Variants in LRRC37A2 observed in about 807,000 individuals in gnomAD.
LRRC37A2 encodes leucine-rich repeat-containing protein 37A2.
LRRC37A2 carries 9 observed loss-of-function variants against 68.8 expected under a neutral mutation model. The ratio of observed to expected loss-of-function variants is 0.13; its 90% CI spans 0.08 to 0.23. The LOEUF is 0.23. Ranked by LOEUF, LRRC37A2 falls within the 10% of genes least tolerant of loss-of-function variation. The pLI is 1.00. For missense variants in LRRC37A2, 168 were observed against 950.4 expected, an observed-to-expected ratio of 0.18 and a Z score of 10.82; for synonymous variants, 63 against 367.6, an observed-to-expected ratio of 0.17 and a Z score of 9.48.
chr17:46,941,424 G>A, the LRRC37A2 span: 1 of 984,230 alleles, frequency 1.0e-6, no homozygotes, highest in Non-Finnish European at 1.2e-6. Flanking sequence ...CTTTTTTTAT[G>A]TTTCTAGGCC....
the LRRC37A2 span, among the ~76,000 whole-genome samples, chr17:46,492,307 G>A: frequency 6.6e-6 from 1 of 150,946 alleles, no homozygotes; most frequent in Non-Finnish European, 1.5e-5. Context: ...TAGTTTATAC[G>A]TGTACAGTGC....
chr17:46,762,769 C>T, the LRRC37A2 span: 4 of 152,016 alleles, frequency 2.6e-5, no homozygotes, highest in Non-Finnish European at 4.4e-5. Flanking sequence ...TACCTGACTA[C>T]GGCGAGAATC....
At chr17:46,943,620 G>A in the LRRC37A2 span, among the ~76,000 whole-genome samples, 9 of 152,230 alleles carry the variant, frequency 5.9e-5, no homozygotes, top group East Asian at 1.9e-4. Flanking sequence ...CGTAGTAGGC[G>A]CAGGCGCCAT....
the LRRC37A2 span, chr17:46,818,645 G>T: frequency 2.0e-5 from 31 of 1,512,776 alleles, 1 homozygote; most frequent in African/African-American, 3.8e-4. Context: ...TGAAGAGGGG[G>T]AGCGACGCCC....
chr17:46,916,025 T>A, the LRRC37A2 span, among the ~76,000 whole-genome samples: 1 of 152,226 alleles, frequency 6.6e-6, no homozygotes, highest in African/African-American at 2.4e-5. Flanking sequence ...CAGTGCCACC[T>A]CTGACATGAC....
chr17:47,001,444 T>C, the LRRC37A2 span, among the ~76,000 whole-genome samples: 1,286 of 152,288 alleles, frequency 8.4e-3, 27 homozygotes, highest in African/African-American at 0.029. Context: ...TTCCTTTTTA[T>C]AAAATGTATT....
chr17:46,822,534 G>T, the LRRC37A2 span, among the ~76,000 whole-genome samples: 1 of 152,238 alleles, frequency 6.6e-6, no homozygotes, highest in African/African-American at 2.4e-5. Context: ...TAGCAAGGCG[G>T]GAGGTCAGCA....
the LRRC37A2 span, among the ~76,000 whole-genome samples, chr17:46,926,369 G>A: frequency 6.6e-6 from 1 of 152,114 alleles, no homozygotes; most frequent in Non-Finnish European, 1.5e-5. Flanking sequence ...GATGTTATGG[G>A]GTGGTGGGGG....
the LRRC37A2 span, among the ~76,000 whole-genome samples, chr17:47,027,107 T>C: frequency 6.6e-6 from 1 of 152,136 alleles, no homozygotes; most frequent in Non-Finnish European, 1.5e-5. Flanking sequence ...GAGACGGGGT[T>C]TCACCGTGTT....
At chr17:46,631,080 A>ACACACACACACACACG in the LRRC37A2 span, among the ~76,000 whole-genome samples, 3 of 144,020 alleles carry the variant, frequency 2.1e-5, no homozygotes, top group African/African-American at 5.7e-5. Flanking sequence ...ACACACACAC[A>ACACACACACACACACG]CACACACACA....
At chr17:46,918,068 AAC>A in the LRRC37A2 span, among the ~76,000 whole-genome samples, 2 of 152,016 alleles carry the variant, frequency 1.3e-5, no homozygotes, top group Non-Finnish European at 2.9e-5. Flanking sequence ...TGAATTTTAT[AAC>A]ACAGTTTTGT....
the LRRC37A2 span, among the ~76,000 whole-genome samples, chr17:46,862,506 T>A: frequency 2.0e-5 from 3 of 152,226 alleles, no homozygotes; most frequent in African/African-American, 7.2e-5. Context: ...GAATTGTGGA[T>A]AAGGGTTTGT....
the LRRC37A2 span, chr17:46,763,876 G>A: frequency 2.0e-5 from 3 of 150,736 alleles, no homozygotes; most frequent in South Asian, 2.1e-4. Context: ...CTGCATTGAC[G>A]GTGGAAACTG....
rs273529 is a variant in LRRC37A2 at position 46,548,847 on chromosome 17, C to G, written c.3708C>G (p.Ser1236=). 6.4e-4 allele frequency: 1,034 copies of G among 1,606,284 alleles called. 61 individuals are homozygous for G. The African/African-American group carries it at 7.0e-3, about 11-fold the overall frequency. The change falls in exon 10 of 15, where the codon TCC becomes TCG. Residue 1236 remains serine (S), a synonymous_variant. Coordinates refer to ENST00000576629, the Ensembl canonical transcript of LRRC37A2. ...GAAACGCCGTCTACACCAAGCCTTCCTTCACCCAAGAGCATAAGGCAGCAG... is the reference window on the plus strand; with the variant it reads ...GAAACGCCGTCTACACCAAGCCTTCGTTCACCCAAGAGCATAAGGCAGCAG...
At chr17:46,392,498 C>G in the LRRC37A2 span, among the ~76,000 whole-genome samples, 51 of 40,692 alleles carry the variant, frequency 1.3e-3, no homozygotes, top group Admixed American at 0.011. Context: ...TTCTTTCTTT[C>G]TTTTCTCTCT....
At chr17:46,458,534 T>C in the LRRC37A2 span, among the ~76,000 whole-genome samples, 19 of 63,740 alleles carry the variant, frequency 3.0e-4, no homozygotes, top group Non-Finnish European at 2.9e-4. Flanking sequence ...TCTTCTTCTT[T>C]TTTTTTTTTT....
the LRRC37A2 span, among the ~76,000 whole-genome samples, chr17:46,858,315 T>C: frequency 2.0e-5 from 3 of 152,164 alleles, no homozygotes; most frequent in Admixed American, 2.0e-4. Context: ...TTCATTTTCT[T>C]ATTGATGTCT....
chr17:46,964,107 A>G, the LRRC37A2 span: 1 of 152,140 alleles, frequency 6.6e-6, no homozygotes, highest in Non-Finnish European at 1.5e-5. Flanking sequence ...CTGAGTTGGT[A>G]TGGGCTCTCC....
the LRRC37A2 span, among the ~76,000 whole-genome samples, chr17:46,416,336 G>A: frequency 4.9e-5 from 2 of 40,534 alleles, no homozygotes. Flanking sequence ...GCCCAGGCTG[G>A]AGTGCAATGG....
Sources: gnomAD v4.1 joint callset for allele counts (sites outside exome capture counted in the v4.1 genomes callset) on GRCh38, gnomAD v4.1.1 for gene constraint, MANE v1.5 for transcripts, NCBI Gene and HGNC (gene_info 2026-07-23, HGNC 2026-07-21) for gene names.